The following BICRAL variants were observed in gnomAD, a reference collection of about 807,000 sequenced individuals.
BICRAL encodes the protein BRD4-interacting chromatin-remodeling complex-associated protein-like.
In BICRAL, 8 loss-of-function variants were observed where a neutral mutation model predicts 91.8. The ratio of observed to expected loss-of-function variants is 0.09; its 90% CI spans 0.05 to 0.16. The LOEUF (loss-of-function observed/expected upper bound fraction) is 0.16. BICRAL is among the 10% of genes least tolerant of loss of function. The pLI, the probability that BICRAL is intolerant of heterozygous loss-of-function variation, is 1.00. For synonymous variants in BICRAL, 445 were observed against 491.1 expected (o/e 0.91, Z 1.24); for missense variants, 1,038 against 1,310.9 (o/e 0.79, Z 3.21).
At chr6:42,844,962 A>G (rs920104747) in intron 6 of BICRAL, among the ~76,000 whole-genome samples, 2 of 152,126 alleles carry the variant, frequency 1.3e-5, no homozygotes, top group African/African-American at 2.4e-5. Context: ...GTAGAAAGTT[A>G]TCTAGCTTAT....
chr6:42,828,699 AGAG>A lies in BICRAL; in HGVS notation c.368_370del (p.Glu123del). 1 of 1,614,200 alleles carries A rather than the reference AGAG, an allele frequency of 6.2e-7. No individual in the cohort carries two copies. The highest frequency in any genetic ancestry group is 1.1e-5 in the South Asian group (1 of 91,086). ...ATATCACTGAACAGACATTGGCAGA[AGAG>A]GCATATTTGGATGCCAGTATAGGTT... On this transcript the variant is annotated inframe_deletion, in exon 6 of 13. Transcript: ENST00000314073.
At position 42,868,434 on chromosome 6, in the gene BICRAL, T is replaced by C. The variant is rs1039145663; in HGVS notation, c.*2988T>C. 3.3e-5 allele frequency: 5 copies of C among 152,410 alleles called. No homozygotes were observed. The South Asian group carries it at 8.3e-4, about 25-fold the overall frequency. 9.4% of individuals were successfully genotyped at this position (152,410 alleles called of 1,614,324 possible). Reference sequence around the variant, plus strand: ...ACAAATTGCAGTTTATTTTGTTATGTTGGATAAATACTGTTAAAAGAAACC... The same window carrying C: ...ACAAATTGCAGTTTATTTTGTTATGCTGGATAAATACTGTTAAAAGAAACC... On this transcript the variant is annotated 3_prime_UTR_variant, in exon 13 of 13. Coordinates refer to ENST00000314073, the MANE Select transcript of BICRAL (RefSeq NM_001393499.1).
intron 1 of BICRAL, among the ~76,000 whole-genome samples, chr6:42,765,441 T>C (rs532274004): frequency 6.6e-6 from 1 of 152,242 alleles, no homozygotes; most frequent in Admixed American, 6.5e-5. Context: ...AGGAGGCTTG[T>C]GGGGAGGGAG....
rs749046345 is a variant in BICRAL at position 42,828,544 on chromosome 6, G to A, written c.211G>A (p.Gly71Arg). 1 of 1,613,754 alleles carries A rather than the reference G, an allele frequency of 6.2e-7. No homozygotes were observed. The highest frequency in any genetic ancestry group is 8.5e-7 in the Non-Finnish European group (1 of 1,179,748). Residue 71 changes from glycine to arginine, a missense_variant, in exon 6 of 13, where the codon GGG (glycine) becomes AGG (arginine). By Grantham distance (125) the Gly-to-Arg change is moderately radical. Transcript: ENST00000314073. ...LKGVSNQLGE[G>R]PSDGLPLSSS... ...AGGTGTAAGCAACCAGCTTGGAGAA[G>A]GGCCCAGTGATGGACTGCCACTTTC... is the stretch of plus-strand genomic sequence containing the variant.
intron 7 of BICRAL, among the ~76,000 whole-genome samples, chr6:42,852,783 G>A (rs897906165): frequency 6.7e-6 from 1 of 150,240 alleles, no homozygotes; most frequent in Non-Finnish European, 1.5e-5. Flanking sequence ...AAATTATGTG[G>A]AAAAAAAATA....
intron 6 of BICRAL, among the ~76,000 whole-genome samples, chr6:42,840,002 CA>C (rs1317410193): frequency 6.6e-6 from 1 of 152,156 alleles, no homozygotes; most frequent in African/African-American, 2.4e-5. Flanking sequence ...ATTCAAAAGT[CA>C]GTTGCTAAGG....
chr6:42,780,569 A>G (rs1317949356), upstream of BICRAL, among the ~76,000 whole-genome samples: 2 of 152,126 alleles, frequency 1.3e-5, no homozygotes, highest in Admixed American at 1.3e-4. Flanking sequence ...CTTAATATGT[A>G]TTTTTTAAAA....
At chr6:42,845,304 C>T (rs1764972371) in intron 6 of BICRAL, among the ~76,000 whole-genome samples, 1 of 133,354 alleles carries the variant, frequency 7.5e-6, no homozygotes. Context: ...TCTCGGCTCA[C>T]TGTAACCTCC....
At chr6:42,836,768 C>G (rs1273124134) in intron 6 of BICRAL, among the ~76,000 whole-genome samples, 1 of 150,506 alleles carries the variant, frequency 6.6e-6, no homozygotes, top group Non-Finnish European at 1.5e-5. Context: ...ATTACAGGCG[C>G]CTGCCACCAC....
At chr6:42,782,576 C>T (rs1330737957) in intron 1 of BICRAL, among the ~76,000 whole-genome samples, 1 of 149,888 alleles carries the variant, frequency 6.7e-6, no homozygotes, top group Non-Finnish European at 1.5e-5. Flanking sequence ...TTTTTCTTTT[C>T]CGCGGATGCA....
chr6:42,855,821 A>T (rs746936543), intron 8 of BICRAL, 35 bp from the exon 9 acceptor site: 46 of 1,542,792 alleles, frequency 3.0e-5, no homozygotes, highest in Middle Eastern at 1.7e-4. Flanking sequence ...TTTTTTCTAT[A>T]AAAGGGAATA....
At chr6:42,831,640 C>G (rs920003535) in intron 6 of BICRAL, among the ~76,000 whole-genome samples, 2 of 152,160 alleles carry the variant, frequency 1.3e-5, no homozygotes, top group Non-Finnish European at 2.9e-5. Context: ...CCATGCCATA[C>G]CCTACTTTCG....
chr6:42,769,149 C>T (rs1762683137), intron 1 of BICRAL, among the ~76,000 whole-genome samples: 1 of 152,184 alleles, frequency 6.6e-6, no homozygotes, highest in Admixed American at 6.5e-5. Flanking sequence ...CTCAGGGTCT[C>T]TCATGAGTTT....
At chr6:42,835,023 A>G (rs1190433187) in intron 6 of BICRAL, among the ~76,000 whole-genome samples, 3 of 152,194 alleles carry the variant, frequency 2.0e-5, no homozygotes, top group African/African-American at 7.2e-5. Context: ...AAAAGCTGTG[A>G]GTTCATATTG....
At chr6:42,821,457 T>C (rs1764133882) in intron 2 of BICRAL, among the ~76,000 whole-genome samples, 1 of 152,152 alleles carries the variant, frequency 6.6e-6, no homozygotes, top group Non-Finnish European at 1.5e-5. Flanking sequence ...AAGGAGAATG[T>C]GGGACCGGCC....
At chr6:42,848,278 A>T (rs1329424490) in intron 6 of BICRAL, among the ~76,000 whole-genome samples, 1 of 151,326 alleles carries the variant, frequency 6.6e-6, no homozygotes, top group Non-Finnish European at 1.5e-5. Flanking sequence ...GCCAGGCATG[A>T]TGGTGCATAC....
chr6:42,843,920 T>A (rs1449955206), intron 6 of BICRAL, among the ~76,000 whole-genome samples: 3 of 149,464 alleles, frequency 2.0e-5, no homozygotes, highest in Non-Finnish European at 4.4e-5. Flanking sequence ...TGCCTCAGCC[T>A]CCTGAGTAGC....
Position 42,822,932 on chromosome 6 carries a change from C to T in BICRAL, c.91-3C>T. 1.2e-6 allele frequency: 2 copies of T among 1,605,658 alleles called. No homozygotes were observed. Among genetic ancestry groups the T allele is most frequent in the Non-Finnish European group, 1.7e-6 (2 of 1,172,512 alleles). On this transcript the variant is annotated splice_region_variant and splice_polypyrimidine_tract_variant and intron_variant, in intron 4 of 12. Transcript: ENST00000314073. The stretch of plus-strand genomic sequence containing the variant: ...ACCACCTATTGAATTTGTATCTTTG[C>T]AGAGCAATGATGACTTGACTAATGC...
intron 12 of BICRAL, among the ~76,000 whole-genome samples, chr6:42,862,951 C>T (rs1765598845): frequency 6.6e-6 from 1 of 151,988 alleles, no homozygotes; most frequent in African/African-American, 2.4e-5. Flanking sequence ...TATTTCACTT[C>T]GATTATTTCC....
Sources: allele counts gnomAD v4.1 joint callset (sites outside exome capture counted in the v4.1 genomes callset), GRCh38; gene constraint gnomAD v4.1.1; transcripts MANE v1.5; gene names NCBI Gene and HGNC (gene_info 2026-07-23, HGNC 2026-07-21).